The following EYS variants were observed in gnomAD, a reference collection of about 807,000 sequenced individuals.
The protein encoded by EYS is protein eyes shut homolog.
In EYS, 250 loss-of-function variants were observed where a neutral mutation model predicts 282.1. That is an observed-to-expected ratio of 0.89 (90% CI 0.80 to 0.98). The LOEUF (loss-of-function observed/expected upper bound fraction) is 0.98, where lower values mean the gene tolerates loss of function less well. EYS is among the 50% of genes least tolerant of loss of function. The pLI is 0.00. For missense variants in EYS, 4,016 were observed against 3,709.0 expected (o/e 1.08, Z -2.15); for synonymous variants, 1,355 against 1,282.9 (o/e 1.06, Z -1.20).
chr6:65,694,436 G>A, intron 1 of EYS, among the ~76,000 whole-genome samples: 1 of 142,782 alleles, frequency 7.0e-6, no homozygotes. Flanking sequence ...TAATATTTTT[G>A]GTGATTGTTA....
At position 65,443,198 on chromosome 6, in the gene EYS, C is replaced by T. The variant is rs575585213; in HGVS notation, c.863-37831G>A. The stretch of plus-strand genomic sequence containing the variant: ...TGTGCACATCATATACATATGTGCG[C>T]ACATATATGTATGCATCATATACAC... On this transcript the variant is annotated intron_variant, in intron 5 of 42. Transcript: ENST00000503581. 4.0e-5 allele frequency among the ~76,000 whole-genome samples: 6 copies of T among 151,476 alleles called. 2 individuals are homozygous for T. In the South Asian group the frequency reaches 1.2e-3, roughly 31 times the overall value.
intron 36 of EYS, among the ~76,000 whole-genome samples, chr6:63,830,708 A>G (rs1434939882): frequency 6.6e-6 from 1 of 152,208 alleles, no homozygotes; most frequent in African/African-American, 2.4e-5. Context: ...TTCAGGAAAT[A>G]CAGAGAACTC....
intron 11 of EYS, among the ~76,000 whole-genome samples, chr6:65,328,940 G>A: frequency 6.6e-6 from 1 of 150,980 alleles, no homozygotes; most frequent in East Asian, 1.9e-4. Context: ...TTAAGACAAA[G>A]GTCACCTTTT....
intron 18 of EYS, among the ~76,000 whole-genome samples, 175 bp from the exon 19 acceptor site, chr6:64,887,017 C>A (rs890120011): frequency 1.3e-5 from 2 of 151,256 alleles, no homozygotes; most frequent in Non-Finnish European, 3.0e-5. Flanking sequence ...AAATTTTGTT[C>A]TGCTCAAATG....
chr6:63,991,574 A>G (rs772148140), intron 34 of EYS, among the ~76,000 whole-genome samples: 27 of 151,628 alleles, frequency 1.8e-4, no homozygotes, highest in Non-Finnish European at 3.7e-4. Context: ...AAAATTCATT[A>G]CAGAATTTCA....
At chr6:63,964,751 C>G (rs1036855196) in intron 35 of EYS, among the ~76,000 whole-genome samples, 1 of 152,210 alleles carries the variant, frequency 6.6e-6, no homozygotes, top group Non-Finnish European at 1.5e-5. Context: ...TCCCCTCATA[C>G]TTTCCTCTTG....
chr6:64,958,457 CA>C (rs1769792133), intron 14 of EYS, among the ~76,000 whole-genome samples: 2 of 151,940 alleles, frequency 1.3e-5, no homozygotes, highest in Non-Finnish European at 2.9e-5. Context: ...GATTAAGAAA[CA>C]ATCTTCAGGC....
intron 36 of EYS, among the ~76,000 whole-genome samples, chr6:63,847,571 G>T (rs556447673): frequency 6.6e-6 from 1 of 152,270 alleles, no homozygotes; most frequent in East Asian, 1.9e-4. Flanking sequence ...GAATTACCCA[G>T]TTAAATTATT....
intron 29 of EYS, among the ~76,000 whole-genome samples, chr6:64,314,623 G>C (rs898945977): frequency 6.6e-5 from 10 of 152,154 alleles, no homozygotes; most frequent in Non-Finnish European, 1.3e-4. Flanking sequence ...TCAGGATTAA[G>C]AAACACACTC....
intron 12 of EYS, among the ~76,000 whole-genome samples, chr6:65,278,068 C>CTTTTCTTTTCTTTTCTTTTCTTTTCTTTT (rs1768105502): frequency 2.4e-4 from 1 of 4,246 alleles, no homozygotes; most frequent in African/African-American, 9.6e-4. Flanking sequence ...TTTTTTTCTG[C>CTTTTCTTTTCTTTTCTTTTCTTTTCTTTT]CTTCCGTCTT....
rs544088390 is a variant in EYS, at chr6:64,548,735, G to A, written c.5644+41488C>T. Among the ~76,000 whole-genome samples the A allele has an allele frequency of 1.2e-4, 19 of 152,186 alleles. No homozygotes were observed. The South Asian group carries it at 2.9e-3, about 23-fold the overall frequency. The stretch of plus-strand genomic sequence containing the variant: ...GGAGATATACCTAATGTTAAATGAC[G>A]AGTTAATGGGTGCAGCACACCAACA... On this transcript the variant is annotated intron_variant, in intron 26 of 42. Coordinates refer to ENST00000503581, the MANE Select transcript of EYS (RefSeq NM_001142800.2).
At chr6:65,210,848 T>A (rs1295241538) in intron 12 of EYS, among the ~76,000 whole-genome samples, 1 of 151,884 alleles carries the variant, frequency 6.6e-6, no homozygotes, top group Non-Finnish European at 1.5e-5. Context: ...TATTTTATAA[T>A]TCTTGATTAT....
chr6:65,239,963 T>C (rs1376994961), intron 12 of EYS, among the ~76,000 whole-genome samples: 2 of 141,798 alleles, frequency 1.4e-5, no homozygotes, highest in East Asian at 3.9e-4. Flanking sequence ...TTGTAGCATA[T>C]ATATTTTGAT....
chr6:64,612,098 T>C (rs1767131056), intron 24 of EYS, among the ~76,000 whole-genome samples: 1 of 152,098 alleles, frequency 6.6e-6, no homozygotes, highest in South Asian at 2.1e-4. Flanking sequence ...TCTTCTGTGT[T>C]AGGTTTATTT....
chr6:64,803,381 G>T (rs563129277), intron 22 of EYS, among the ~76,000 whole-genome samples: 35 of 151,472 alleles, frequency 2.3e-4, no homozygotes, highest in Non-Finnish European at 3.8e-4. Flanking sequence ...GTGTGTGTGT[G>T]GGGGGGTTGG....
chr6:64,779,994 A>G (rs1483916326), intron 22 of EYS, among the ~76,000 whole-genome samples: 1 of 152,202 alleles, frequency 6.6e-6, no homozygotes, highest in Non-Finnish European at 1.5e-5. Flanking sequence ...CTACAAAGAG[A>G]TATGAAATAA....
chr6:65,225,175 G>C (rs1265081483), intron 12 of EYS, among the ~76,000 whole-genome samples: 1 of 151,084 alleles, frequency 6.6e-6, no homozygotes, highest in Non-Finnish European at 1.5e-5. Flanking sequence ...TTCAATATAT[G>C]TATAATATAT....
intron 13 of EYS, among the ~76,000 whole-genome samples, chr6:65,012,665 G>A (rs1771910771): frequency 6.6e-6 from 1 of 151,016 alleles, no homozygotes; most frequent in South Asian, 2.1e-4. Context: ...AAGAAAAATA[G>A]TAAGGGGGAC....
Position 64,638,582 on chromosome 6 carries a change from A to G in EYS, c.3444-12337T>C, listed in dbSNP as rs1272944674. Reference sequence around the variant, plus strand: ...CTTTTTCATTATTTGGGAGAGTTCTAGAATGAGCAAGACATCTTGCCTGTG... The same window carrying G: ...CTTTTTCATTATTTGGGAGAGTTCTGGAATGAGCAAGACATCTTGCCTGTG... On this transcript the variant is annotated intron_variant, in intron 22 of 42. Transcript: ENST00000503581. Among the ~76,000 whole-genome samples, 2 of 90,836 alleles carry G rather than the reference A, an allele frequency of 2.2e-5. 1 individual carries two copies. The highest frequency in any genetic ancestry group is 2.3e-4 in the Admixed American group (2 of 8,532). The allele number at this position is 90,836 out of a possible 152,430, so 59.6% of individuals were successfully genotyped here.
Sources: allele counts gnomAD v4.1 joint callset (sites outside exome capture counted in the v4.1 genomes callset), GRCh38; gene constraint gnomAD v4.1.1; transcripts MANE v1.5; gene names NCBI Gene and HGNC (gene_info 2026-07-23, HGNC 2026-07-21).